CCDC59: variants seen among roughly 807,000 people sequenced by gnomAD.
CCDC59 encodes the protein coiled-coil domain containing 59.
A neutral mutation model predicts 30.5 loss-of-function variants in CCDC59; 27 were observed. The ratio of observed to expected loss-of-function variants is 0.89; its 90% CI spans 0.65 to 1.22. The LOEUF (loss-of-function observed/expected upper bound fraction) is 1.22, where lower values mean the gene tolerates loss of function less well. Ranked by LOEUF, CCDC59 falls within the 50% of genes most tolerant of loss-of-function variation. The pLI is 0.00. For synonymous variants in CCDC59, 125 were observed against 100.9 expected, an observed-to-expected ratio of 1.24 and a Z score of -1.43; for missense variants, 362 against 284.4, an observed-to-expected ratio of 1.27 and a Z score of -1.96.
upstream of CCDC59, chr12:82,358,430 G>A: frequency 6.2e-7 from 1 of 1,607,628 alleles, no homozygotes; most frequent in Non-Finnish European, 8.5e-7. Context: ...CACAAAATAC[G>A]TCACCAAGCC....
intron 2 of CCDC59, 177 bp downstream of exon 2, chr12:82,356,783 G>A: frequency 5.6e-6 from 3 of 540,316 alleles, no homozygotes; most frequent in Non-Finnish European, 9.6e-6. Flanking sequence ...GGCTAAACCA[G>A]CCTAATTCAG....
chr12:82,358,353 C>G lies in CCDC59; in HGVS notation c.24G>C (p.Ala8=). 2 of 1,613,786 alleles carry G rather than the reference C, an allele frequency of 1.2e-6. No individual in the cohort carries two copies. The highest frequency in any genetic ancestry group is 2.2e-5 in the East Asian group (1 of 44,866). MAPVRRS[A]KWRPGGIEAR... is the part of the protein sequence containing the mutation. ...CCTCAATACCACCAGGCCGCCACTT[C>G]GCGGACCGCCTCACCGGCGCCATTG... Residue 8 remains alanine, a synonymous_variant, in exon 1 of 4, where the codon GCG becomes GCC. Transcript: ENST00000256151.
rs564362653 is a variant in CCDC59 at position 82,352,733 on chromosome 12, T to A, written c.*418A>T. ...ACATGTACTTAAAATAAATAAAAAGTCCAAGAGGAGTCTTTGCCTCCCTCA... is the reference window on the plus strand; with the variant it reads ...ACATGTACTTAAAATAAATAAAAAGACCAAGAGGAGTCTTTGCCTCCCTCA... On this transcript the variant is annotated 3_prime_UTR_variant, in exon 4 of 4. Coordinates refer to ENST00000256151, the MANE Select transcript of CCDC59 (RefSeq NM_014167.5). The A allele has an allele frequency of 6.4e-6, 1 of 155,308 alleles. No homozygotes were observed. Among genetic ancestry groups the A allele is most frequent in the African/African-American group, 2.4e-5 (1 of 41,464 alleles). The allele number at this position is 155,308 out of a possible 1,614,324, so 9.6% of individuals were successfully genotyped here.
In CCDC59 at chr12:82,353,266, T is replaced by G; in HGVS notation, c.611A>C (p.Tyr204Ser). The change falls in exon 4 of 4, where the codon TAC (tyrosine) becomes TCC (serine). Residue 204 changes from tyrosine to serine, a missense_variant. Physicochemically the swap from Tyr to Ser is moderately radical, Grantham distance 144. Coordinates refer to ENST00000256151, the MANE Select transcript of CCDC59 (RefSeq NM_014167.5). ...KQEREEAQRQ[Y>S]KKKKMEVFKI... ...AAACACTTCCATTTTCTTCTTTTTG[T>G]ACTGCCTTTGGGCTTCTTCTCTCTC... 6.2e-7 allele frequency: 1 copy of G among 1,613,022 alleles called. No homozygotes were observed. Among genetic ancestry groups the G allele is most frequent in the Non-Finnish European group, 8.5e-7 (1 of 1,179,514 alleles).
intron 3 of CCDC59, among the ~76,000 whole-genome samples, chr12:82,353,805 T>C (rs1474196894): frequency 6.6e-6 from 1 of 152,084 alleles, no homozygotes; most frequent in African/African-American, 2.4e-5. Context: ...TTACATATCT[T>C]TAGGGTATTT....
At chr12:82,357,337 A>G in intron 1 of CCDC59, 68 bp from the exon 2 acceptor site, 1 of 1,334,366 alleles carries the variant, frequency 7.5e-7, no homozygotes, top group Non-Finnish European at 1.0e-6. Context: ...TGGAGCTGTT[A>G]ATTACAAATG....
chr12:82,358,567 T>G (rs758319691), upstream of CCDC59: 2 of 1,609,882 alleles, frequency 1.2e-6, no homozygotes. Context: ...GTGAGCGTCA[T>G]GGCGGCTTCT....
rs755401610 is a variant in CCDC59 at position 82,358,251 on chromosome 12, C to A, written c.126G>T (p.Pro42=). 4 of 1,614,066 alleles carry A rather than the reference C, an allele frequency of 2.5e-6. No individual in the cohort carries two copies. Among genetic ancestry groups the A allele is most frequent in the Non-Finnish European group, 3.4e-6 (4 of 1,180,044 alleles). Residue 42 remains proline (P), a synonymous_variant, in exon 1 of 4, where the codon CCG becomes CCT. Coordinates refer to ENST00000256151, the MANE Select transcript of CCDC59 (RefSeq NM_014167.5). ...VRQKTWRPNH[P]QAFVGSVREG... ...CGCGAACGCTCCCCACGAAGGCTTG[C>A]GGGTGGTTAGGCCGCCATGTCTTCT...
At chr12:82,353,575 C>T (rs551788166) in intron 3 of CCDC59, among the ~76,000 whole-genome samples, 10 of 152,216 alleles carry the variant, frequency 6.6e-5, no homozygotes, top group Non-Finnish European at 1.0e-4. Flanking sequence ...AAATGTTTTA[C>T]AGCATAATGG....
rs532264841 is a variant in CCDC59, at chr12:82,357,472, C to T, written c.155-203G>A. 39 of 575,478 alleles carry T rather than the reference C, an allele frequency of 6.8e-5. No individual in the cohort carries two copies. In the South Asian group the frequency reaches 7.6e-4, roughly 11 times the overall value. The allele number at this position is 575,478 out of a possible 1,614,324, so 35.6% of individuals were successfully genotyped here. ...GTTGGCCCTTTGCAAAAAGACCAGGCTAACAGTCATGCGGAAATCCAAGTA... is the reference window on the plus strand; with the variant it reads ...GTTGGCCCTTTGCAAAAAGACCAGGTTAACAGTCATGCGGAAATCCAAGTA... On this transcript the variant is annotated intron_variant, in intron 1 of 3. Coordinates refer to ENST00000256151, the MANE Select transcript of CCDC59 (RefSeq NM_014167.5).
intron 2 of CCDC59, 105 bp from the exon 3 acceptor site, chr12:82,354,699 C>T: frequency 1.2e-6 from 1 of 837,772 alleles, no homozygotes; most frequent in South Asian, 4.1e-5. Flanking sequence ...ATAAAAGGCA[C>T]AAATGGGGAT....
At position 82,354,860 on chromosome 12, in the gene CCDC59, T is replaced by G. The variant is rs190797456; in HGVS notation, c.465-266A>C. The G allele has an allele frequency of 1.2e-3, 305 of 247,038 alleles. 1 individual carries two copies. The highest frequency in any genetic ancestry group is 2.1e-3 in the Non-Finnish European group (271 of 130,206). 15.3% of individuals were successfully genotyped at this position (247,038 alleles called of 1,614,324 possible). ...AAGAATTAAACTTGTTGTTTAAGGA[T>G]GTTAAGAAAATTATGTGTATATATG... On this transcript the variant is annotated intron_variant, in intron 2 of 3. Transcript: ENST00000256151.
At position 82,358,359 on chromosome 12, in the gene CCDC59, C is replaced by G. The variant is rs201800090; in HGVS notation, c.18G>C (p.Arg6=). 10 of 1,613,720 alleles carry G rather than the reference C, an allele frequency of 6.2e-6. No individual in the cohort carries two copies. The East Asian group carries it at 1.8e-4, about 29-fold the overall frequency. Reference sequence around the variant, plus strand: ...TACCACCAGGCCGCCACTTCGCGGACCGCCTCACCGGCGCCATTGCAGCCG... The same window carrying G: ...TACCACCAGGCCGCCACTTCGCGGAGCGCCTCACCGGCGCCATTGCAGCCG... The part of the protein sequence containing the change: MAPVR[R]SAKWRPGGIE... Residue 6 remains arginine (R), a synonymous_variant, in exon 1 of 4, where the codon CGG becomes CGC. Transcript: ENST00000256151.
At chr12:82,358,187 G>C in intron 1 of CCDC59, 36 bp downstream of exon 1, 1 of 1,612,898 alleles carries the variant, frequency 6.2e-7, no homozygotes, top group South Asian at 1.1e-5. Context: ...AACTTAGCAA[G>C]CCTGAGGATT....
upstream of CCDC59, chr12:82,358,461 A>G (rs1402611824): frequency 7.5e-6 from 12 of 1,602,704 alleles, no homozygotes; most frequent in Non-Finnish European, 9.3e-6. Context: ...ATCGCTCAGA[A>G]GGAATCCGGC....
At position 82,353,136 on chromosome 12, in the gene CCDC59, G is replaced by T; in HGVS notation, c.*15C>A. 6.3e-7 allele frequency: 1 copy of T among 1,589,914 alleles called. No homozygotes were observed. Among genetic ancestry groups the T allele is most frequent in the South Asian group, 1.2e-5 (1 of 86,606 alleles). ...TAATAGGCAGCAGATATTTTAACCT[G>T]TAGGAACAAAATGTTTAACATTTTT... On this transcript the variant is annotated 3_prime_UTR_variant, in exon 4 of 4. Coordinates refer to ENST00000256151, the MANE Select transcript of CCDC59 (RefSeq NM_014167.5).
intron 1 of CCDC59, 98 bp downstream of exon 1, chr12:82,358,125 G>C (rs61934260): frequency 1.4e-6 from 2 of 1,384,586 alleles, no homozygotes; most frequent in African/African-American, 2.8e-5. Context: ...AAGTAGGACC[G>C]GGTCTGGTTC....
At position 82,355,453 on chromosome 12, in the gene CCDC59, G is replaced by A. The variant is rs374360674; in HGVS notation, c.465-859C>T. On this transcript the variant is annotated intron_variant, in intron 2 of 3. Transcript: ENST00000256151. ...ACTTAATAAGGAAGGAAAAAAAATC[G>A]TATGTTGAAGTTGCTAAGATCTATG... 1.4e-4 allele frequency: 22 copies of A among 152,200 alleles called. No homozygotes were observed. In the South Asian group the frequency reaches 3.1e-3, roughly 22 times the overall value. 9.4% of individuals were successfully genotyped at this position (152,200 alleles called of 1,614,324 possible). A position where few individuals can be genotyped will look rare whatever the true frequency, so the allele number is the denominator to read the frequency against.
In CCDC59 at chr12:82,352,994, G is replaced by A; in HGVS notation, c.*157C>T. 2 of 561,110 alleles carry A rather than the reference G, an allele frequency of 3.6e-6. No homozygotes were observed. Among genetic ancestry groups the A allele is most frequent in the South Asian group, 6.5e-5 (2 of 30,572 alleles). 34.8% of individuals were successfully genotyped at this position (561,110 alleles called of 1,614,324 possible). On this transcript the variant is annotated 3_prime_UTR_variant, in exon 4 of 4. Coordinates refer to ENST00000256151, the MANE Select transcript of CCDC59 (RefSeq NM_014167.5). The stretch of plus-strand genomic sequence containing the variant: ...ATAAGAAACATGTAGAACATATTTA[G>A]AAAATTTTTTACCATAATAAAAATA...
Sources: allele counts gnomAD v4.1 joint callset (sites outside exome capture counted in the v4.1 genomes callset), GRCh38; gene constraint gnomAD v4.1.1; transcripts MANE v1.5; gene names NCBI Gene and HGNC (gene_info 2026-07-23, HGNC 2026-07-21).